Variants in SP140 observed in about 807,000 individuals in gnomAD.
The protein encoded by SP140 is SP140 nuclear body protein, also known as nuclear body protein SP140.
Under a neutral mutation model 125.0 loss-of-function variants are expected in SP140, and 81 were observed. That is an observed-to-expected ratio of 0.65 (90% confidence interval 0.54 to 0.78). SP140 has a LOEUF of 0.78. SP140 is among the 30% of genes least tolerant of loss of function. The pLI, the probability that SP140 is intolerant of heterozygous loss-of-function variation, is 0.00. For missense variants in SP140, 858 were observed against 1,037.0 expected, an observed-to-expected ratio of 0.83 and a Z score of 2.37; for synonymous variants, 312 against 354.0, an observed-to-expected ratio of 0.88 and a Z score of 1.33.
chr2:230,207,907 A>G, intron 1 of SP140: 1 of 724,548 alleles, frequency 1.4e-6, no homozygotes. Context: ...CATTTAGAAT[A>G]AAATTCAACC....
intron 4 of SP140, among the ~76,000 whole-genome samples, chr2:230,242,528 C>T (rs1467137378): frequency 2.6e-5 from 4 of 152,114 alleles, no homozygotes; most frequent in Non-Finnish European, 5.9e-5. Context: ...TATTCATGGA[C>T]CTGAGGACCT....
chr2:230,295,246 A>G (rs575246223), intron 21 of SP140, among the ~76,000 whole-genome samples: 1 of 152,328 alleles, frequency 6.6e-6, no homozygotes, highest in South Asian at 2.1e-4. Flanking sequence ...ACAGACTTCT[A>G]AAACAGCTCA....
intron 8 of SP140, 33 bp from the exon 9 acceptor site, chr2:230,248,852 T>C (rs1482723179): frequency 1.3e-6 from 2 of 1,564,172 alleles, no homozygotes; most frequent in Non-Finnish European, 8.8e-7. Context: ...CAAGTCACCC[T>C]CTGTGGTCTG....
intron 23 of SP140, chr2:230,310,516 C>T (rs974234143): frequency 6.6e-5 from 64 of 972,106 alleles, no homozygotes; most frequent in Non-Finnish European, 4.9e-5. Context: ...TCCACACTCA[C>T]GGTGACACCA....
At chr2:230,251,159 C>G (rs1189973424) in intron 10 of SP140, 98 bp downstream of exon 10, 4 of 974,492 alleles carry the variant, frequency 4.1e-6, no homozygotes, top group Non-Finnish European at 6.4e-6. Flanking sequence ...AAGTATACTT[C>G]ACAGTGAAAG....
chr2:230,239,109 T>C, intron 3 of SP140: 2 of 1,214,210 alleles, frequency 1.6e-6, no homozygotes, highest in South Asian at 1.9e-5. Context: ...GAATGGGATG[T>C]GTTGATTTGT....
intron 12 of SP140, among the ~76,000 whole-genome samples, chr2:230,256,706 A>G (rs1301390620): frequency 6.6e-6 from 1 of 152,268 alleles, no homozygotes; most frequent in Non-Finnish European, 1.5e-5. Context: ...CTCTATGGAA[A>G]TAAAAAAGGG....
At position 230,312,792 on chromosome 2, in the gene SP140, G is replaced by A; in HGVS notation, c.*108G>A. ...CACTTGGGCACAGCACATGCAGGGA[G>A]GGGCTTTTCTCTGAGCCTCCTTCAT... is the stretch of plus-strand genomic sequence containing the variant. On this transcript the variant is annotated 3_prime_UTR_variant, in exon 27 of 27. Coordinates refer to ENST00000392045, the MANE Select transcript of SP140 (RefSeq NM_007237.5). The A allele has an allele frequency of 1.3e-6, 1 of 765,798 alleles. No homozygotes were observed. The highest frequency in any genetic ancestry group is 2.2e-6 in the Non-Finnish European group (1 of 447,792). The allele number at this position is 765,798 out of a possible 1,614,324, so 47.4% of individuals were successfully genotyped here.
the SP140 span, among the ~76,000 whole-genome samples, chr2:230,195,309 C>T: frequency 6.6e-6 from 1 of 152,076 alleles, no homozygotes; most frequent in African/African-American, 2.4e-5. Flanking sequence ...CAGGAATATA[C>T]TAGAGGACTA....
At chr2:230,200,787 GA>G (rs557840697), upstream of SP140, 837 of 882,666 alleles carry the variant, frequency 9.5e-4, no homozygotes, top group Non-Finnish European at 1.3e-3. Context: ...CAGTAATAAT[GA>G]AAAAAAAAAG....
At chr2:230,212,623 GA>G in intron 1 of SP140, 1 of 1,255,988 alleles carries the variant, frequency 8.0e-7, no homozygotes, top group Non-Finnish European at 1.2e-6. Context: ...AATCCCTCTT[GA>G]AAAGGGTTGT....
At chr2:230,200,913 C>A (rs200621430), upstream of SP140, 6 of 1,613,724 alleles carry the variant, frequency 3.7e-6, no homozygotes, top group Non-Finnish European at 5.1e-6. Context: ...GTGTACTAGG[C>A]GTCTTCTGGG....
At chr2:230,240,706 G>T (rs1210617070) in intron 3 of SP140, among the ~76,000 whole-genome samples, 5 of 152,178 alleles carry the variant, frequency 3.3e-5, no homozygotes, top group Admixed American at 3.3e-4. Flanking sequence ...ATCCCTTGCT[G>T]GTAGGAATGT....
intron 22 of SP140, among the ~76,000 whole-genome samples, chr2:230,297,782 C>G (rs954224324): frequency 1.6e-4 from 25 of 152,036 alleles, no homozygotes; most frequent in Non-Finnish European, 3.4e-4. Context: ...GTAGGGCTGG[C>G]CTGGTGATTA....
chr2:230,197,175 C>A, the SP140 span, among the ~76,000 whole-genome samples: 3 of 151,968 alleles, frequency 2.0e-5, no homozygotes, highest in Admixed American at 6.6e-5. Context: ...TAAAAGTGTT[C>A]CTATTTCTCC....
At chr2:230,288,518 TTTC>T (rs1553600263) in intron 18 of SP140, among the ~76,000 whole-genome samples, 1 of 111,156 alleles carries the variant, frequency 9.0e-6, no homozygotes, top group East Asian at 2.4e-4. Flanking sequence ...TCTTTCTTTC[TTTC>T]TTTTTTTATT....
intron 1 of SP140, chr2:230,213,146 C>A: frequency 1.0e-6 from 1 of 972,626 alleles, no homozygotes; most frequent in Non-Finnish European, 1.6e-6. Context: ...CATTGTCCCC[C>A]AGGTGCAGAG....
chr2:230,196,344 C>A, the SP140 span, among the ~76,000 whole-genome samples: 1 of 151,832 alleles, frequency 6.6e-6, no homozygotes, highest in Non-Finnish European at 1.5e-5. Context: ...GTGAATCATA[C>A]GTAACGTGCC....
intron 1 of SP140, among the ~76,000 whole-genome samples, chr2:230,205,797 G>A (rs2043724332): frequency 6.6e-6 from 1 of 152,228 alleles, no homozygotes; most frequent in Non-Finnish European, 1.5e-5. Context: ...AGCTGGCTAT[G>A]TGTTTCTTGA....
Sources: gnomAD v4.1 joint callset for allele counts (sites outside exome capture counted in the v4.1 genomes callset) on GRCh38, gnomAD v4.1.1 for gene constraint, MANE v1.5 for transcripts, NCBI Gene and HGNC (gene_info 2026-07-23, HGNC 2026-07-21) for gene names.